DTWD2: variants seen among roughly 807,000 people sequenced by gnomAD.
DTWD2 encodes DTW motif tRNA-uridine aminocarboxypropyltransferase 2.
DTWD2 carries 39 observed loss-of-function variants against 31.8 expected under a neutral mutation model. The ratio of observed to expected loss-of-function variants is 1.22; its 90% CI spans 0.95 to 1.60. The LOEUF (loss-of-function observed/expected upper bound fraction) is 1.60. Ranked by LOEUF, DTWD2 falls within the 40% of genes most tolerant of loss-of-function variation. The probability of loss-of-function intolerance (pLI) is 0.00; values close to 1 mark genes in which losing one functional copy is unlikely to be tolerated. For synonymous variants in DTWD2, 180 were observed against 142.8 expected (o/e 1.26, Z -1.86); for missense variants, 515 against 381.5 (o/e 1.35, Z -2.92).
intron 4 of DTWD2, among the ~76,000 whole-genome samples, chr5:118,858,623 T>C (rs932432118): frequency 2.6e-5 from 4 of 152,250 alleles, no homozygotes; most frequent in Non-Finnish European, 5.9e-5. Flanking sequence ...ATCCTGCCTG[T>C]TGTAACCCCT....
At chr5:118,961,881 A>G (rs1385864100) in intron 1 of DTWD2, among the ~76,000 whole-genome samples, 1 of 152,240 alleles carries the variant, frequency 6.6e-6, no homozygotes, top group African/African-American at 2.4e-5. Context: ...GATTTAGGTT[A>G]GTATTACATT....
At chr5:118,974,207 C>G (rs1467813708) in intron 1 of DTWD2, 4 of 1,313,102 alleles carry the variant, frequency 3.0e-6, no homozygotes, top group African/African-American at 3.0e-5. Context: ...AGAATCTAAA[C>G]GTGGTCACCT....
intron 4 of DTWD2, among the ~76,000 whole-genome samples, chr5:118,862,532 A>C (rs898327214): frequency 2.0e-5 from 3 of 152,226 alleles, no homozygotes; most frequent in African/African-American, 7.2e-5. Context: ...ACTAAAAAAA[A>C]AGTGAAGATC....
intron 4 of DTWD2, among the ~76,000 whole-genome samples, chr5:118,877,469 C>G (rs981784111): frequency 2.1e-4 from 32 of 151,044 alleles, no homozygotes; most frequent in Admixed American, 1.9e-3. Context: ...AAGACTCCGT[C>G]TCAAAAATAA....
intron 4 of DTWD2, among the ~76,000 whole-genome samples, chr5:118,906,417 T>C (rs1379755192): frequency 6.6e-6 from 1 of 152,150 alleles, no homozygotes; most frequent in East Asian, 1.9e-4. Context: ...ACCATTTCAT[T>C]TGTAACAGCC....
intron 4 of DTWD2, among the ~76,000 whole-genome samples, chr5:118,899,542 G>A (rs991406992): frequency 6.6e-6 from 1 of 151,996 alleles, no homozygotes; most frequent in Non-Finnish European, 1.5e-5. Context: ...TCTGGAAGCC[G>A]AATATATATA....
intron 4 of DTWD2, among the ~76,000 whole-genome samples, chr5:118,927,538 G>A (rs1753836443): frequency 6.6e-6 from 1 of 151,916 alleles, no homozygotes; most frequent in Non-Finnish European, 1.5e-5. Flanking sequence ...GTCTGTGTGT[G>A]TATGATTAAA....
chr5:118,879,609 C>CAAAAAAA (rs775009585), intron 4 of DTWD2, among the ~76,000 whole-genome samples: 1 of 36,190 alleles, frequency 2.8e-5, no homozygotes, highest in Admixed American at 2.6e-4. Context: ...GACTACAGCT[C>CAAAAAAA]AAAAAAAAAA....
At chr5:118,972,852 A>G (rs1021053632) in intron 1 of DTWD2, among the ~76,000 whole-genome samples, 6 of 152,214 alleles carry the variant, frequency 3.9e-5, no homozygotes, top group African/African-American at 1.4e-4. Context: ...TTCACCGCAT[A>G]AACAAAACTA....
chr5:118,857,993 C>G (rs573682128), intron 4 of DTWD2, among the ~76,000 whole-genome samples: 1 of 152,256 alleles, frequency 6.6e-6, no homozygotes, highest in East Asian at 1.9e-4. Context: ...TATCAGTGGC[C>G]TAACCAGCCT....
chr5:118,922,452 T>C (rs1046552415), intron 4 of DTWD2, among the ~76,000 whole-genome samples: 1 of 152,020 alleles, frequency 6.6e-6, no homozygotes, highest in Non-Finnish European at 1.5e-5. Flanking sequence ...AATAATTCTA[T>C]GCAAAAAACA....
intron 5 of DTWD2, among the ~76,000 whole-genome samples, chr5:118,844,824 T>C (rs1751809529): frequency 6.6e-6 from 1 of 152,190 alleles, no homozygotes; most frequent in African/African-American, 2.4e-5. Context: ...CTCTATAGAA[T>C]GAAGCCAAGT....
intron 1 of DTWD2, among the ~76,000 whole-genome samples, chr5:118,961,139 G>C (rs1429732922): frequency 6.6e-6 from 1 of 152,040 alleles, no homozygotes; most frequent in African/African-American, 2.4e-5. Flanking sequence ...CAGATGCCTA[G>C]AGAACAAACG....
intron 4 of DTWD2, among the ~76,000 whole-genome samples, chr5:118,854,755 A>G (rs1465784556): frequency 6.6e-6 from 1 of 152,210 alleles, no homozygotes. Flanking sequence ...ACTATGGGAA[A>G]CTAGTGTTTC....
At chr5:118,896,375 T>C (rs906003739) in intron 4 of DTWD2, among the ~76,000 whole-genome samples, 6 of 152,106 alleles carry the variant, frequency 3.9e-5, no homozygotes, top group Admixed American at 1.3e-4. Context: ...ATACTACATG[T>C]AGGTCAGATT....
At chr5:118,859,433 G>A (rs1159547426) in intron 4 of DTWD2, among the ~76,000 whole-genome samples, 1 of 152,112 alleles carries the variant, frequency 6.6e-6, no homozygotes, top group Non-Finnish European at 1.5e-5. Flanking sequence ...TGTTTTACAT[G>A]TTGCATATAG....
chr5:118,958,765 G>A (rs1301080297), intron 1 of DTWD2, among the ~76,000 whole-genome samples: 1 of 152,032 alleles, frequency 6.6e-6, no homozygotes, highest in Non-Finnish European at 1.5e-5. Flanking sequence ...TGATCAAGTA[G>A]GTTTTATCCC....
intron 4 of DTWD2, among the ~76,000 whole-genome samples, chr5:118,866,004 G>C (rs1752372960): frequency 6.6e-6 from 1 of 151,920 alleles, no homozygotes; most frequent in Non-Finnish European, 1.5e-5. Flanking sequence ...GCGTGTGTGT[G>C]TGTGTGTGTG....
chr5:118,898,914 A>G lies in DTWD2; in HGVS notation c.597+29623T>C, dbSNP rs921656847. On this transcript the variant is annotated intron_variant, in intron 4 of 5. Coordinates refer to ENST00000510708, the MANE Select transcript of DTWD2 (RefSeq NM_173666.4). ...CAGGTACTAGCAGCTATGTATTTAG[A>G]TATTATTTGCCAATTCTGTATCTGT... Among the ~76,000 whole-genome samples the G allele has an allele frequency of 3.9e-5, 6 of 152,216 alleles. No individual in the cohort carries two copies. The South Asian group carries it at 1.2e-3, about 31-fold the overall frequency.
Sources: allele counts gnomAD v4.1 joint callset (sites outside exome capture counted in the v4.1 genomes callset), GRCh38; gene constraint gnomAD v4.1.1; transcripts MANE v1.5; gene names NCBI Gene and HGNC (gene_info 2026-07-23, HGNC 2026-07-21).